Variants in H2AZ1 observed in about 807,000 individuals in gnomAD.
The protein encoded by H2AZ1 is histone H2A.Z.
Under a neutral mutation model 16.6 loss-of-function variants are expected in H2AZ1, and 3 were observed. The ratio of observed to expected loss-of-function variants is 0.18; its 90% CI spans 0.08 to 0.47. H2AZ1 has a LOEUF of 0.47. Among genes scored for constraint, H2AZ1 ranks in the 20% least tolerant of loss-of-function variants. H2AZ1 has a pLI of 0.98. For missense variants in H2AZ1, 27 were observed against 163.6 expected, an observed-to-expected ratio of 0.17 and a Z score of 4.55; for synonymous variants, 78 against 60.7, an observed-to-expected ratio of 1.28 and a Z score of -1.32.
In H2AZ1 at chr4:99,949,276, T is replaced by C. The variant is rs1190247338; in HGVS notation, c.192A>G (p.Ala64=). 1.3e-6 allele frequency: 2 copies of C among 1,567,072 alleles called. No homozygotes were observed. The highest frequency in any genetic ancestry group is 2.2e-5 in the South Asian group (2 of 90,024). ...TTATAGGCGTTCACCCATTTACCTC[T>C]GCGGTGAGGTACTCCAGGATGGCTG... ...YSAAILEYLT[A]EVLELAGNAS... is the part of the protein sequence containing the mutation. The change falls in exon 3 of 5, where the codon GCA becomes GCG. Residue 64 remains alanine, a synonymous_variant. Transcript: ENST00000296417.
rs1727214577 is a variant in H2AZ1, at chr4:99,949,221, C to A, written c.195+52G>T. On this transcript the variant is annotated intron_variant, in intron 3 of 4. Transcript: ENST00000296417. ...CATCACTTTCCTCCTTCCCTCTTGC[C>A]GCCTCCCCGCCCCCCAAACCTTCTC... is the stretch of plus-strand genomic sequence containing the variant. The A allele has an allele frequency of 8.1e-6, 9 of 1,112,076 alleles. No individual in the cohort carries two copies. The South Asian group carries it at 9.3e-5, about 11-fold the overall frequency. 68.9% of individuals were successfully genotyped at this position (1,112,076 alleles called of 1,614,324 possible). A position where few individuals can be genotyped will look rare whatever the true frequency, so the allele number is the denominator to read the frequency against.
In H2AZ1 at chr4:99,948,943, A is replaced by G. The variant is rs1198044782; in HGVS notation, c.196-3T>C. The G allele has an allele frequency of 4.5e-6, 7 of 1,544,568 alleles. No homozygotes were observed. Among genetic ancestry groups the G allele is most frequent in the South Asian group, 2.2e-5 (2 of 89,272 alleles). ...GCATTTCCTGCCAGTTCAAGTACCT[A>G]AAAGGCAGAATCTGTCAGTTGCCTT... On this transcript the variant is annotated splice_region_variant and splice_polypyrimidine_tract_variant and intron_variant, in intron 3 of 4. Coordinates refer to ENST00000296417, the MANE Select transcript of H2AZ1 (RefSeq NM_002106.4).
In H2AZ1 at chr4:99,950,145, T is replaced by C; in HGVS notation, c.3+23A>G. ...TCGCCGGCAAAAACCCGCGGAGTCA[T>C]CGAGCGTCTCTGCGAAGTTTACCAT... On this transcript the variant is annotated intron_variant, in intron 1 of 4. Transcript: ENST00000296417. 1 of 1,608,094 alleles carries C rather than the reference T, an allele frequency of 6.2e-7. No individual in the cohort carries two copies. The highest frequency in any genetic ancestry group is 1.1e-5 in the South Asian group (1 of 89,932).
intron 2 of H2AZ1, 31 bp from the exon 3 acceptor site, chr4:99,949,417 G>T: frequency 2.2e-6 from 3 of 1,359,380 alleles, no homozygotes; most frequent in Non-Finnish European, 2.1e-6. Context: ...AAACATAAAT[G>T]CACAAAAATG....
chr4:99,949,738 A>G lies in H2AZ1; in HGVS notation c.6T>C (p.Ala2=). The change falls in exon 2 of 5, where the codon GCT becomes GCC. Residue 2 remains alanine (A), a splice_region_variant and synonymous_variant. Coordinates refer to ENST00000296417, the MANE Select transcript of H2AZ1 (RefSeq NM_002106.4). M[A]GGKAGKDSGK... is the part of the protein sequence containing the mutation. ...CGGAGTCCTTTCCAGCCTTACCGCC[A>G]GCCTGCGGCGCGCACACGCCCGCGA... 1 of 1,607,870 alleles carries G rather than the reference A, an allele frequency of 6.2e-7. No homozygotes were observed. Among genetic ancestry groups the G allele is most frequent in the Non-Finnish European group, 8.5e-7 (1 of 1,176,908 alleles).
At chr4:99,948,995 AG>A (rs1727204889) in intron 3 of H2AZ1, 55 bp from the exon 4 acceptor site, 1 of 1,071,732 alleles carries the variant, frequency 9.3e-7, no homozygotes, top group African/African-American at 1.6e-5. Context: ...CAAGATTCAG[AG>A]AACAGAATAA....
rs1727178904 is a variant in H2AZ1 at position 99,948,189 on chromosome 4, C to T, written c.*273G>A. On this transcript the variant is annotated 3_prime_UTR_variant, in exon 5 of 5. Coordinates refer to ENST00000296417, the MANE Select transcript of H2AZ1 (RefSeq NM_002106.4). ...TAACTTCTGCATCACAATTAAAATC[C>T]AAACAGTTTTTTAAAAACAGTCAAC... 1 of 609,416 alleles carries T rather than the reference C, an allele frequency of 1.6e-6. No individual in the cohort carries two copies. The highest frequency in any genetic ancestry group is 3.2e-5 in the East Asian group (1 of 30,936). 37.8% of individuals were successfully genotyped at this position (609,416 alleles called of 1,614,324 possible).
At chr4:99,948,776 G>T (rs1281298414) in intron 4 of H2AZ1, 35 bp downstream of exon 4, 3 of 1,574,234 alleles carry the variant, frequency 1.9e-6, no homozygotes, top group Admixed American at 4.0e-5. Context: ...TCCTTCCTCT[G>T]AAGAAATTTT....
intron 1 of H2AZ1, 77 bp from the exon 2 acceptor site, chr4:99,949,817 C>A: frequency 8.5e-7 from 1 of 1,180,802 alleles, no homozygotes; most frequent in South Asian, 1.4e-5. Flanking sequence ...CCATCCCCCA[C>A]CGCGGCGCGT....
chr4:99,949,603 C>T, intron 2 of H2AZ1, 60 bp downstream of exon 2: 1 of 1,510,494 alleles, frequency 6.6e-7, no homozygotes, highest in Non-Finnish European at 9.2e-7. Flanking sequence ...CGATGAATAA[C>T]AAAAAAGGAA....
intron 2 of H2AZ1, 83 bp downstream of exon 2, chr4:99,949,580 C>A: frequency 1.5e-6 from 2 of 1,316,588 alleles, no homozygotes; most frequent in East Asian, 2.3e-5. Flanking sequence ...ATACACAAAA[C>A]GCCCATCGAG....
In H2AZ1 at chr4:99,950,140, AGTCATCGAGC is replaced by A. The variant is rs1159992911; in HGVS notation, c.3+18_3+27del. 6.2e-7 allele frequency: 1 copy of A among 1,607,416 alleles called. No individual in the cohort carries two copies. The highest frequency in any genetic ancestry group is 1.3e-5 in the African/African-American group (1 of 74,784). On this transcript the variant is annotated intron_variant, in intron 1 of 4. Transcript: ENST00000296417. The stretch of plus-strand genomic sequence containing the variant: ...TTCTCTCGCCGGCAAAAACCCGCGG[AGTCATCGAGC>A]GTCTCTGCGAAGTTTACCATTTCGA...
chr4:99,949,512 C>G (rs1299278421), intron 2 of H2AZ1, 126 bp from the exon 3 acceptor site: 4 of 974,024 alleles, frequency 4.1e-6, no homozygotes, highest in African/African-American at 1.6e-5. Context: ...ACACGTGATT[C>G]CTCCCCCCCA....
Position 99,948,527 on chromosome 4 carries a change from GGAGA to G in H2AZ1, c.326-8_326-5del. ...TTGTGGATGTGTGGAATGACACCTA[GGAGA>G]GTGACAGGAATTAATTCTACTTAAG... On this transcript the variant is annotated splice_region_variant and splice_polypyrimidine_tract_variant and intron_variant, in intron 4 of 4. Transcript: ENST00000296417. 6.2e-7 allele frequency: 1 copy of G among 1,611,218 alleles called. No homozygotes were observed. Among genetic ancestry groups the G allele is most frequent in the Admixed American group, 1.7e-5 (1 of 59,890 alleles).
rs1183736006 is a variant in H2AZ1, at chr4:99,948,803, T to C, written c.325+8A>G. 1.2e-6 allele frequency: 2 copies of C among 1,601,162 alleles called. No individual in the cohort carries two copies. Among genetic ancestry groups the C allele is most frequent in the African/African-American group, 1.3e-5 (1 of 74,154 alleles). ...AGAAATTTTTTAAAATGTTAGAAGT[T>C]AACATACCACCACCAGCAATTGTAG... On this transcript the variant is annotated splice_region_variant and intron_variant, in intron 4 of 4. Transcript: ENST00000296417.
chr4:99,949,235 C>A (rs780631013), intron 3 of H2AZ1, 38 bp downstream of exon 3: 50 of 1,287,350 alleles, frequency 3.9e-5, no homozygotes, highest in South Asian at 4.9e-5. Flanking sequence ...TCCCCGCCCC[C>A]CAAACCTTCT....
At chr4:99,948,996 G>T in intron 3 of H2AZ1, 56 bp from the exon 4 acceptor site, 1 of 1,071,474 alleles carries the variant, frequency 9.3e-7, no homozygotes, top group Non-Finnish European at 1.5e-6. Flanking sequence ...AAGATTCAGA[G>T]AACAGAATAA....
chr4:99,948,722 T>C, intron 4 of H2AZ1, 89 bp downstream of exon 4: 2 of 1,511,424 alleles, frequency 1.3e-6, no homozygotes, highest in Non-Finnish European at 1.8e-6. Context: ...AAAATATACT[T>C]AAATTTCCTC....
In H2AZ1 at chr4:99,949,467, G is replaced by A. The variant is rs1284925213; in HGVS notation, c.82-81C>T. On this transcript the variant is annotated intron_variant, in intron 2 of 4. Coordinates refer to ENST00000296417, the MANE Select transcript of H2AZ1 (RefSeq NM_002106.4). ...GGAAATTATATGCGCGCCAAAGCAA[G>A]GGGCACGGGCGCAGCAACGCGTCCC... 2.8e-6 allele frequency: 3 copies of A among 1,067,628 alleles called. No homozygotes were observed. In the South Asian group the frequency reaches 3.8e-5, roughly 13 times the overall value. 66.1% of individuals were successfully genotyped at this position (1,067,628 alleles called of 1,614,324 possible). A position where few individuals can be genotyped will look rare whatever the true frequency, so the allele number is the denominator to read the frequency against.
Sources: allele counts gnomAD v4.1 joint callset, GRCh38; gene constraint gnomAD v4.1.1; transcripts MANE v1.5; gene names NCBI Gene and HGNC (gene_info 2026-07-23, HGNC 2026-07-21).